Variants in KATNA1 observed in about 807,000 individuals in gnomAD.
The protein encoded by KATNA1 is katanin p60 ATPase-containing subunit A1.
Under a neutral mutation model 62.6 loss-of-function variants are expected in KATNA1, and 42 were observed. The observed-to-expected ratio is 0.67, with a 90% confidence interval of 0.52 to 0.87. The LOEUF is 0.87. Among genes scored for constraint, KATNA1 ranks in the 40% least tolerant of loss-of-function variants. KATNA1 has a pLI of 0.00. For missense variants in KATNA1, 498 were observed against 612.5 expected (o/e 0.81, Z 1.97); for synonymous variants, 186 against 201.9 (o/e 0.92, Z 0.67).
chr6:149,625,340 T>G (rs1268417377), intron 3 of KATNA1, among the ~76,000 whole-genome samples: 1 of 152,106 alleles, frequency 6.6e-6, no homozygotes, highest in Non-Finnish European at 1.5e-5. Flanking sequence ...ACTCTAGTAG[T>G]AAAGACACTT....
intron 1 of KATNA1, among the ~76,000 whole-genome samples, chr6:149,646,015 C>A (rs1780475252): frequency 6.6e-6 from 1 of 152,124 alleles, no homozygotes; most frequent in Non-Finnish European, 1.5e-5. Context: ...GCCTATTTCA[C>A]ACCTAAAGAG....
intron 9 of KATNA1, 48 bp from the exon 10 acceptor site, chr6:149,597,237 A>G (rs1163047011): frequency 1.3e-6 from 2 of 1,583,344 alleles, no homozygotes; most frequent in Admixed American, 3.6e-5. Flanking sequence ...GCATAAACAT[A>G]GTATACTATT....
chr6:149,598,788 TTCTC>T (rs1335788279), intron 7 of KATNA1, among the ~76,000 whole-genome samples: 1 of 152,152 alleles, frequency 6.6e-6, no homozygotes, highest in Non-Finnish European at 1.5e-5. Context: ...CTGTGCATCT[TTCTC>T]TCACGCTAAT....
chr6:149,616,127 T>A (rs1439309128), intron 4 of KATNA1, among the ~76,000 whole-genome samples: 1 of 152,100 alleles, frequency 6.6e-6, no homozygotes, highest in Non-Finnish European at 1.5e-5. Context: ...GATGAAGAGA[T>A]CTGAAAATGA....
intron 7 of KATNA1, 26 bp from the exon 8 acceptor site, chr6:149,598,376 A>G: frequency 1.2e-6 from 2 of 1,600,888 alleles, no homozygotes; most frequent in Non-Finnish European, 1.7e-6. Context: ...ATGCAATATC[A>G]AGCTATTAAG....
intron 6 of KATNA1, among the ~76,000 whole-genome samples, chr6:149,602,868 C>A (rs568360732): frequency 6.6e-6 from 1 of 151,978 alleles, no homozygotes; most frequent in Admixed American, 6.6e-5. Context: ...ATTACAGGCA[C>A]GCACAACCAC....
At chr6:149,628,969 C>T (rs890013961) in intron 3 of KATNA1, among the ~76,000 whole-genome samples, 7 of 151,906 alleles carry the variant, frequency 4.6e-5, no homozygotes, top group African/African-American at 1.7e-4. Flanking sequence ...CAAATAAAGT[C>T]AAAGAGGAAA....
At chr6:149,638,085 C>T (rs1040463949) in intron 2 of KATNA1, among the ~76,000 whole-genome samples, 2 of 152,254 alleles carry the variant, frequency 1.3e-5, no homozygotes, top group South Asian at 2.1e-4. Context: ...AAGTGATCCT[C>T]CCACCTCAAC....
chr6:149,630,287 A>C (rs186139524), intron 3 of KATNA1, among the ~76,000 whole-genome samples: 3 of 152,260 alleles, frequency 2.0e-5, no homozygotes, highest in African/African-American at 7.2e-5. Context: ...GGATATCAGG[A>C]GTCAGTAACA....
intron 3 of KATNA1, among the ~76,000 whole-genome samples, chr6:149,628,842 A>G (rs1779723363): frequency 6.6e-6 from 1 of 151,914 alleles, no homozygotes; most frequent in Non-Finnish European, 1.5e-5. Flanking sequence ...GAAAAAAAAA[A>G]GAATGACCCT....
chr6:149,643,831 G>A (rs892646161), intron 1 of KATNA1, among the ~76,000 whole-genome samples: 1 of 151,400 alleles, frequency 6.6e-6, no homozygotes, highest in African/African-American at 2.4e-5. Flanking sequence ...ACCACACCCA[G>A]CTAATATATA....
At chr6:149,617,971 A>AAATAAATAAATAATG (rs1562289822) in intron 4 of KATNA1, among the ~76,000 whole-genome samples, 1 of 67,600 alleles carries the variant, frequency 1.5e-5, no homozygotes, top group African/African-American at 7.8e-5. Context: ...AATAAATAAT[A>AAATAAATAAATAATG]AAATAAATAA....
intron 3 of KATNA1, among the ~76,000 whole-genome samples, chr6:149,628,063 T>C (rs565352431): frequency 6.6e-6 from 1 of 152,002 alleles, no homozygotes; most frequent in South Asian, 2.1e-4. Flanking sequence ...AAGCTATGTC[T>C]AACCTTTTCT....
chr6:149,618,402 C>T (rs1448185933), intron 4 of KATNA1, among the ~76,000 whole-genome samples: 3 of 150,204 alleles, frequency 2.0e-5, no homozygotes, highest in Non-Finnish European at 3.0e-5. Flanking sequence ...TGCTTGAATC[C>T]GGGAGGTGGA....
intron 10 of KATNA1, among the ~76,000 whole-genome samples, chr6:149,595,661 T>TAA (rs918509604): frequency 7.0e-6 from 1 of 143,426 alleles, no homozygotes; most frequent in Non-Finnish European, 1.5e-5. Context: ...TCATTTGTGT[T>TAA]AAAAAAAAAA....
chr6:149,639,611 AT>A (rs1352400612), intron 1 of KATNA1, among the ~76,000 whole-genome samples: 3 of 152,106 alleles, frequency 2.0e-5, no homozygotes, highest in Non-Finnish European at 4.4e-5. Context: ...AAATAAAAAA[AT>A]AAAATAAAAT....
At chr6:149,623,321 C>A (rs373477111) in intron 3 of KATNA1, 38 bp from the exon 4 acceptor site, 1 of 1,463,774 alleles carries the variant, frequency 6.8e-7, no homozygotes, top group Non-Finnish European at 9.2e-7. Flanking sequence ...ATAATCAACT[C>A]CACATATGGA....
At chr6:149,626,468 G>A (rs1281823835) in intron 3 of KATNA1, among the ~76,000 whole-genome samples, 9 of 147,186 alleles carry the variant, frequency 6.1e-5, no homozygotes, top group Non-Finnish European at 1.3e-4. Flanking sequence ...CTAATTTTTT[G>A]TATTTTTAGT....
At chr6:149,604,630 C>A in intron 5 of KATNA1, 31 bp downstream of exon 5, 1 of 1,611,430 alleles carries the variant, frequency 6.2e-7, no homozygotes, top group South Asian at 1.1e-5. Flanking sequence ...GCATCACCAG[C>A]ACCCAATTAT....
Sources: allele counts gnomAD v4.1 joint callset (sites outside exome capture counted in the v4.1 genomes callset), GRCh38; gene constraint gnomAD v4.1.1; transcripts MANE v1.5; gene names NCBI Gene and HGNC (gene_info 2026-07-23, HGNC 2026-07-21).